The following FNDC1 variants were observed in gnomAD, a reference collection of about 807,000 sequenced individuals.
FNDC1 encodes fibronectin type III domain-containing protein 1.
A neutral mutation model predicts 168.0 loss-of-function variants in FNDC1; 96 were observed. The ratio of observed to expected loss-of-function variants is 0.57; its 90% confidence interval spans 0.48 to 0.68. FNDC1 has a LOEUF of 0.68. Among genes scored for constraint, FNDC1 ranks in the 30% least tolerant of loss-of-function variants. The pLI is 0.00. For synonymous variants in FNDC1, 1,099 were observed against 1,025.9 expected, an observed-to-expected ratio of 1.07 and a Z score of -1.36; for missense variants, 2,587 against 2,482.1, an observed-to-expected ratio of 1.04 and a Z score of -0.90.
chr6:159,246,497 TC>T (rs1330731259), intron 14 of FNDC1, among the ~76,000 whole-genome samples: 1 of 152,238 alleles, frequency 6.6e-6, no homozygotes, highest in Non-Finnish European at 1.5e-5. Flanking sequence ...CTTCTGTCTC[TC>T]GTGACTGCTT....
rs757619264 is a variant in FNDC1 at position 159,234,349 on chromosome 6, G to A, written c.3837G>A (p.Pro1279=). Residue 1279 remains proline (P), a synonymous_variant, in exon 11 of 23, where the codon CCG becomes CCA. Coordinates refer to ENST00000297267, the MANE Select transcript of FNDC1 (RefSeq NM_032532.3). ...CCGTCGCGGGCACCCACCCCTGGCC[G>A]CAGTACACCACGCGCGCCCCACCTG... ...VSPVAGTHPW[P]QYTTRAPPGH... 20 of 1,611,446 alleles carry A rather than the reference G, an allele frequency of 1.2e-5. No individual in the cohort carries two copies. The highest frequency in any genetic ancestry group is 1.5e-5 in the Non-Finnish European group (18 of 1,178,960).
In FNDC1 at chr6:159,233,426, A is replaced by T. The variant is rs369083619; in HGVS notation, c.2914A>T (p.Thr972Ser). 24 of 1,611,236 alleles carry T rather than the reference A, an allele frequency of 1.5e-5. No homozygotes were observed. In the African/African-American group the frequency reaches 2.9e-4, roughly 20 times the overall value. The change falls in exon 11 of 23, where the codon ACA (threonine) becomes TCA (serine). Residue 972 changes from threonine to serine, a missense_variant. Physicochemically the swap from Thr to Ser is moderately conservative, Grantham distance 58. Coordinates refer to ENST00000297267, the MANE Select transcript of FNDC1 (RefSeq NM_032532.3). The surrounding 1 kb of genome is among the most constrained non-coding windows in gnomAD (Gnocchi z 4.6). Reference protein sequence around the residue: ...GHSPKAQPGSTDRHASPARPP... With the variant: ...GHSPKAQPGSSDRHASPARPP... ...TTCTCCCAAAGCACAGCCAGGGTCC[A>T]CAGACCGCCACGCGTCCCCTGCTCG...
At chr6:159,238,895 C>G (rs1783330487) in intron 13 of FNDC1, among the ~76,000 whole-genome samples, 1 of 152,150 alleles carries the variant, frequency 6.6e-6, no homozygotes, top group Non-Finnish European at 1.5e-5. Context: ...TTACTTTGTT[C>G]TTAAATTGGC....
chr6:159,269,345 C>CTAT (rs1562315909), intron 22 of FNDC1, among the ~76,000 whole-genome samples: 34 of 85,186 alleles, frequency 4.0e-4, no homozygotes, highest in Non-Finnish European at 4.9e-4. Flanking sequence ...ATCTATCTAT[C>CTAT]CATTTGTTTA....
intron 14 of FNDC1, among the ~76,000 whole-genome samples, chr6:159,244,781 A>G (rs1783503776): frequency 1.3e-5 from 2 of 152,174 alleles, no homozygotes; most frequent in African/African-American, 4.8e-5. Flanking sequence ...GAGTACCTGA[A>G]GTTCACATTC....
intron 11 of FNDC1, 102 bp from the exon 12 acceptor site, chr6:159,236,113 A>T: frequency 1.4e-6 from 1 of 696,774 alleles, no homozygotes; most frequent in South Asian, 1.9e-5. Flanking sequence ...TAGAGCTTCT[A>T]TTTGAAATGA....
chr6:159,262,610 A>C (rs1413980913), intron 19 of FNDC1, among the ~76,000 whole-genome samples: 1 of 152,226 alleles, frequency 6.6e-6, no homozygotes, highest in Non-Finnish European at 1.5e-5. Flanking sequence ...AAAAAATTCA[A>C]ATCCAAAAAG....
At position 159,266,205 on chromosome 6, in the gene FNDC1, T is replaced by A; in HGVS notation, c.5406T>A (p.Asn1802Lys). ...AGTTCGTGGGAGTTGTTCTTTGTAA[T>A]TCACTGAGGTATAAAATCTACCTCA... Reference protein sequence around the residue: ...YRKFVGVVLCNSLRYKIYLSD... With the variant: ...YRKFVGVVLCKSLRYKIYLSD... Residue 1802 changes from asparagine to lysine, a missense_variant, in exon 21 of 23, where the codon AAT becomes AAA. Physicochemically the swap from Asn to Lys is moderately conservative, Grantham distance 94 (BLOSUM62 0). Transcript: ENST00000297267. 1 of 1,614,018 alleles carries A rather than the reference T, an allele frequency of 6.2e-7. No homozygotes were observed. Among genetic ancestry groups the A allele is most frequent in the Non-Finnish European group, 8.5e-7 (1 of 1,179,884 alleles).
In FNDC1 at chr6:159,234,260, A is replaced by T; in HGVS notation, c.3748A>T (p.Ser1250Cys). The change falls in exon 11 of 23, where the codon AGC becomes TGC. Residue 1250 changes from serine to cysteine, a missense_variant. Coordinates refer to ENST00000297267, the MANE Select transcript of FNDC1 (RefSeq NM_032532.3). ...GCGACCTCTCCCCCCACCTCCAGGC[A>T]GCTCCCCCAGGGCCTCCCACGTCCC... ...VKRPLPPPPG[S>C]SPRASHVPSR... The T allele has an allele frequency of 6.3e-7, 1 of 1,592,452 alleles. No homozygotes were observed. The highest frequency in any genetic ancestry group is 8.5e-7 in the Non-Finnish European group (1 of 1,169,696).
At chr6:159,183,881 T>C (rs1283639806) in intron 1 of FNDC1, among the ~76,000 whole-genome samples, 2 of 152,024 alleles carry the variant, frequency 1.3e-5, no homozygotes, top group Non-Finnish European at 2.9e-5. Context: ...CACGAGCTCA[T>C]GTGTCCTTAT....
intron 1 of FNDC1, among the ~76,000 whole-genome samples, chr6:159,193,720 C>T (rs1460660723): frequency 2.6e-5 from 4 of 152,198 alleles, no homozygotes; most frequent in African/African-American, 9.7e-5. Flanking sequence ...ATCCATCTAT[C>T]TAAGAGCAGT....
At position 159,269,418 on chromosome 6, in the gene FNDC1, T is replaced by C. The variant is rs576949807; in HGVS notation, c.5569+1492T>C. On this transcript the variant is annotated intron_variant, in intron 22 of 22. Transcript: ENST00000297267. Reference sequence around the variant, plus strand: ...CCATCTGTCTATGTATGTATGTATGTATGTATGTAGGTATCCATCCATTAT... The same window carrying C: ...CCATCTGTCTATGTATGTATGTATGCATGTATGTAGGTATCCATCCATTAT... Among the ~76,000 whole-genome samples the C allele has an allele frequency of 4.3e-5, 5 of 115,342 alleles. No individual in the cohort carries two copies. The East Asian group carries it at 1.5e-3, about 34-fold the overall frequency. The allele number at this position is 115,342 out of a possible 152,430, so 75.7% of individuals were successfully genotyped here.
chr6:159,239,578 T>G lies in FNDC1; in HGVS notation c.4242T>G (p.His1414Gln). The change falls in exon 14 of 23, where the codon CAT becomes CAG. Residue 1414 changes from histidine (H) to glutamine (Q), a missense_variant. Transcript: ENST00000297267. ...TCCCACTCTTTGGGCAGGGGCGACATGGCACACCTCTGGCCAATGCCCAAG... is the reference window on the plus strand; with the variant it reads ...TCCCACTCTTTGGGCAGGGGCGACAGGGCACACCTCTGGCCAATGCCCAAG... Reference protein sequence around the residue: ...DGLPLFGQGRHGTPLANAQDK... With the variant: ...DGLPLFGQGRQGTPLANAQDK... 1 of 1,600,528 alleles carries G rather than the reference T, an allele frequency of 6.2e-7. No individual in the cohort carries two copies. The highest frequency in any genetic ancestry group is 8.5e-7 in the Non-Finnish European group (1 of 1,173,332).
intron 22 of FNDC1, among the ~76,000 whole-genome samples, chr6:159,269,346 C>CTATCT (rs1777677315): frequency 8.0e-4 from 23 of 28,724 alleles, no homozygotes; most frequent in Non-Finnish European, 1.3e-3. Flanking sequence ...TCTATCTATC[C>CTATCT]ATTTGTTTAT....
rs776267099 is a variant in FNDC1, at chr6:159,239,947, C to T, written c.4611C>T (p.Tyr1537=). 2.8e-5 allele frequency: 42 copies of T among 1,481,126 alleles called. No individual in the cohort carries two copies. The East Asian group carries it at 3.2e-4, about 11-fold the overall frequency. 91.7% of individuals were successfully genotyped at this position (1,481,126 alleles called of 1,614,324 possible). A position where few individuals can be genotyped will look rare whatever the true frequency, so the allele number is the denominator to read the frequency against. The change falls in exon 14 of 23, where the codon TAC becomes TAT. Residue 1537 remains tyrosine (Y), a synonymous_variant. Transcript: ENST00000297267. ...GCTCCAATGGGATCCCAGAGTGCTA[C>T]GCTGAAGAAGGTAACTGCCTTTGTT... ...IMSSNGIPEC[Y]AEEDEFSGLE...
chr6:159,198,217 G>A (rs1347482180), intron 2 of FNDC1, among the ~76,000 whole-genome samples: 2 of 152,198 alleles, frequency 1.3e-5, no homozygotes, highest in African/African-American at 2.4e-5. Context: ...TGAATCCTCT[G>A]TCTTCTATTT....
intron 22 of FNDC1, among the ~76,000 whole-genome samples, chr6:159,268,146 C>CAAAG (rs1777629891): frequency 6.6e-6 from 1 of 152,078 alleles, no homozygotes; most frequent in Admixed American, 6.5e-5. Flanking sequence ...ACGGCATGAA[C>CAAAG]AAAGGTACAG....
intron 18 of FNDC1, 78 bp downstream of exon 18, chr6:159,256,709 A>G: frequency 9.3e-7 from 1 of 1,073,798 alleles, no homozygotes; most frequent in Non-Finnish European, 1.4e-6. Context: ...AAATGAAGGG[A>G]GGAATCAAAA....
intron 12 of FNDC1, among the ~76,000 whole-genome samples, chr6:159,236,720 A>G (rs1783270157): frequency 6.6e-6 from 1 of 152,216 alleles, no homozygotes; most frequent in Non-Finnish European, 1.5e-5. Flanking sequence ...TATTTTCTGT[A>G]AGTCATCTCA....
Sources: allele counts gnomAD v4.1 joint callset (sites outside exome capture counted in the v4.1 genomes callset), GRCh38; gene constraint gnomAD v4.1.1; non-coding constraint Gnocchi (gnomAD v3.1); transcripts MANE v1.5; gene names NCBI Gene and HGNC (gene_info 2026-07-23, HGNC 2026-07-21).